The following ZNF394 variants were observed in gnomAD, a reference collection of about 807,000 sequenced individuals.
ZNF394 encodes zinc finger protein 99.
A neutral mutation model predicts 21.8 loss-of-function variants in ZNF394; 19 were observed. That is an observed-to-expected ratio of 0.87 (90% confidence interval 0.61 to 1.28). The LOEUF (loss-of-function observed/expected upper bound fraction) is 1.28. Among genes scored for constraint, ZNF394 ranks in the 50% most tolerant of loss-of-function variants. The pLI, the probability that ZNF394 is intolerant of heterozygous loss-of-function variation, is 0.00. For missense variants in ZNF394, 683 were observed against 708.6 expected, an observed-to-expected ratio of 0.96 and a Z score of 0.41; for synonymous variants, 294 against 273.3, an observed-to-expected ratio of 1.08 and a Z score of -0.75.
chr7:99,493,217 A>C, downstream of ZNF394: 1 of 1,071,684 alleles, frequency 9.3e-7, no homozygotes, highest in Non-Finnish European at 1.1e-6. Context: ...GGACAAGAAA[A>C]GAAACAGGCC....
exon 2 of ZNF394, chr7:99,486,775 T>C: frequency 6.2e-7 from 1 of 1,614,184 alleles, no homozygotes; most frequent in Non-Finnish European, 8.5e-7. Flanking sequence ...ATCTTTGCTT[T>C]TGGGGCATGA....
chr7:99,495,548 C>T (rs1409251720), intron 2 of ZNF394, among the ~76,000 whole-genome samples: 3 of 151,544 alleles, frequency 2.0e-5, no homozygotes, highest in Non-Finnish European at 2.9e-5. Flanking sequence ...TGGTCTCGAA[C>T]TCCTCTGACC....
At chr7:99,492,638 TCAA>T (rs1800187584), downstream of ZNF394, among the ~76,000 whole-genome samples, 1 of 91,306 alleles carries the variant, frequency 1.1e-5, no homozygotes, top group African/African-American at 4.4e-5. Flanking sequence ...AGACTCCATC[TCAA>T]AAAAAAAAAA....
Position 99,498,859 on chromosome 7 carries a change from GCCCCATTCAGTA to G in ZNF394, c.457-29_457-18del. 6.2e-7 allele frequency: 1 copy of G among 1,607,422 alleles called. No homozygotes were observed. On this transcript the variant is annotated intron_variant, in intron 1 of 2. Coordinates refer to ENST00000337673, the MANE Select transcript of ZNF394 (RefSeq NM_032164.4). ...CACCATCCCCTGGAACAACACAAGA[GCCCCATTCAGTA>G]CCTGCTGTCCCTGTACAGCACTAAC...
In ZNF394 at chr7:99,493,985, G is replaced by A. The variant is rs142908024; in HGVS notation, c.1230C>T (p.Gly410=). ...ATTTCAGACAGGTGTACGGCTTCTCGCCTGTGTGTGTCCTCTGGTGCTTGG... is the reference window on the plus strand; with the variant it reads ...ATTTCAGACAGGTGTACGGCTTCTCACCTGTGTGTGTCCTCTGGTGCTTGG... ...ALTKHQRTHT[G]EKPYTCLKCG... Residue 410 remains glycine, a synonymous_variant, in exon 3 of 3, where the codon GGC becomes GGT. Transcript: ENST00000337673. 639 of 1,614,158 alleles carry A rather than the reference G, an allele frequency of 4.0e-4. 1 individual carries two copies. The highest frequency in any genetic ancestry group is 6.5e-4 in the East Asian group (29 of 44,874).
chr7:99,488,733 G>A (rs1018188361), downstream of ZNF394, among the ~76,000 whole-genome samples: 3 of 151,316 alleles, frequency 2.0e-5, no homozygotes, highest in African/African-American at 4.9e-5. Flanking sequence ...TTCAGGACAA[G>A]CCTAGCCAAG....
rs1800247286 is a variant in ZNF394 at position 99,494,609 on chromosome 7, G to A, written c.606C>T (p.Asn202=). The change falls in exon 3 of 3, where the codon AAC becomes AAT. Residue 202 remains asparagine, a synonymous_variant. Coordinates refer to ENST00000337673, the MANE Select transcript of ZNF394 (RefSeq NM_032164.4). ...VPPSLESRVE[N]KELIPMQQIL... ...TTTGTTGCATTGGAATCAACTCTTT[G>A]TTCTCCACTCTGCTTTCCAAACCTG... 6.3e-7 allele frequency: 1 copy of A among 1,598,666 alleles called. No individual in the cohort carries two copies. Among genetic ancestry groups the A allele is most frequent in the Non-Finnish European group, 8.5e-7 (1 of 1,173,812 alleles).
intron 2 of ZNF394, among the ~76,000 whole-genome samples, chr7:99,496,840 A>G (rs1229414984): frequency 6.6e-6 from 1 of 151,430 alleles, no homozygotes; most frequent in Non-Finnish European, 1.5e-5. Flanking sequence ...CCAAAGTGCT[A>G]GGATTACAGG....
At chr7:99,496,308 G>C (rs948364831) in intron 2 of ZNF394, among the ~76,000 whole-genome samples, 1 of 150,708 alleles carries the variant, frequency 6.6e-6, no homozygotes, top group African/African-American at 2.4e-5. Flanking sequence ...GAGCTACCTC[G>C]GTCTCCCAAA....
downstream of ZNF394, among the ~76,000 whole-genome samples, chr7:99,492,038 A>C (rs1584582704): frequency 6.8e-6 from 1 of 146,794 alleles, no homozygotes; most frequent in African/African-American, 2.5e-5. Context: ...GCGCCACTGC[A>C]CTCCAGCCTG....
intron 2 of ZNF394, among the ~76,000 whole-genome samples, chr7:99,496,435 T>C (rs1800311983): frequency 6.6e-6 from 1 of 152,050 alleles, no homozygotes; most frequent in African/African-American, 2.4e-5. Context: ...AGCGGTCACA[T>C]AGCACAAAGA....
chr7:99,500,012 C>G lies in ZNF394; in HGVS notation c.82G>C (p.Ala28Pro). The G allele has an allele frequency of 6.2e-7, 1 of 1,608,352 alleles. No individual in the cohort carries two copies. Among genetic ancestry groups the G allele is most frequent in the Non-Finnish European group, 8.5e-7 (1 of 1,179,014 alleles). ...AGTCCGTCGCGTTGGGACGGCGCCG[C>G]GTCCTTGGACCTCGCAGCCATCACC... ...PWVMAARSKD[A>P]APSQRDGLLP... Residue 28 changes from alanine (A) to proline (P), a missense_variant, in exon 1 of 3, where the codon GCG becomes CCG. By Grantham distance (27) the Ala-to-Pro change is conservative. Transcript: ENST00000337673.
At position 99,498,703 on chromosome 7, in the gene ZNF394, C is replaced by T; in HGVS notation, c.583+13G>A. The T allele has an allele frequency of 6.2e-7, 1 of 1,613,864 alleles. No homozygotes were observed. On this transcript the variant is annotated intron_variant, in intron 2 of 2. Transcript: ENST00000337673. ...CACACACCGCAATAAACCAGCAGAG[C>T]AACAGCACTCACTCGGCGGAACTGT... is the stretch of plus-strand genomic sequence containing the variant.
At chr7:99,495,243 G>A (rs537180949) in intron 2 of ZNF394, among the ~76,000 whole-genome samples, 4 of 152,106 alleles carry the variant, frequency 2.6e-5, no homozygotes, top group South Asian at 2.1e-4. Flanking sequence ...TCCTGACCTC[G>A]TGATCCGCCT....
chr7:99,495,013 G>A (rs1481525097), intron 2 of ZNF394, among the ~76,000 whole-genome samples: 5 of 151,802 alleles, frequency 3.3e-5, no homozygotes, highest in Admixed American at 2.6e-4. Flanking sequence ...TTTTGAGACA[G>A]AGTATTACTC....
chr7:99,494,092 T>TA lies in ZNF394; in HGVS notation c.1122dup (p.Arg375Ter). On this transcript the variant is annotated frameshift_variant, in exon 3 of 3. Transcript: ENST00000337673. LOFTEE classifies it low-confidence loss of function (END_TRUNC). ...TCACCTGTGTGGATTCTCTGGTGTC[T>TA]AAAGAGGTCAGAGCGTTGTTTGAAA... 1.2e-6 allele frequency: 2 copies of TA among 1,614,194 alleles called. No homozygotes were observed. Among genetic ancestry groups the TA allele is most frequent in the East Asian group, 4.5e-5 (2 of 44,880 alleles).
chr7:99,493,439 TAG>T lies in ZNF394; in HGVS notation c.*88_*89del. 2.4e-6 allele frequency: 3 copies of T among 1,230,590 alleles called. No individual in the cohort carries two copies. Among genetic ancestry groups the T allele is most frequent in the Non-Finnish European group, 1.1e-6 (1 of 889,912 alleles). 76.2% of individuals were successfully genotyped at this position (1,230,590 alleles called of 1,614,324 possible). On this transcript the variant is annotated 3_prime_UTR_variant, in exon 3 of 3. Coordinates refer to ENST00000337673, the MANE Select transcript of ZNF394 (RefSeq NM_032164.4). ...GCCCGGCTCATTTTTGTATTTTTAG[TAG>T]AGACAGGATTTTACCATGTTGGCCA...
downstream of ZNF394, among the ~76,000 whole-genome samples, chr7:99,491,525 G>A (rs1045577922): frequency 1.3e-5 from 2 of 152,060 alleles, no homozygotes; most frequent in African/African-American, 2.4e-5. Context: ...ACCAAGGCAT[G>A]ATTAGAAACT....
Position 99,493,269 on chromosome 7 carries a change from T to C in ZNF394, c.*260A>G. ...TATCAAAATGACAGCACTTTATTTC[T>C]TTTTTGAGATGGAGTCTCGCTCTGT... is the stretch of plus-strand genomic sequence containing the variant. On this transcript the variant is annotated 3_prime_UTR_variant, in exon 3 of 3. Transcript: ENST00000337673. The C allele has an allele frequency of 8.6e-7, 1 of 1,164,166 alleles. No homozygotes were observed. Among genetic ancestry groups the C allele is most frequent in the Non-Finnish European group, 1.1e-6 (1 of 942,826 alleles). The allele number at this position is 1,164,166 out of a possible 1,614,324, so 72.1% of individuals were successfully genotyped here.
Sources: gnomAD v4.1 joint callset for allele counts (sites outside exome capture counted in the v4.1 genomes callset) on GRCh38, gnomAD v4.1.1 for gene constraint, MANE v1.5 for transcripts, NCBI Gene and HGNC (gene_info 2026-07-23, HGNC 2026-07-21) for gene names.